The following FYN variants were observed in gnomAD, a reference collection of about 807,000 sequenced individuals.
The protein encoded by FYN is tyrosine-protein kinase Fyn.
FYN carries 10 observed loss-of-function variants against 70.2 expected under a neutral mutation model. The ratio of observed to expected loss-of-function variants is 0.14; its 90% CI spans 0.09 to 0.24. The LOEUF is 0.24. Among genes scored for constraint, FYN ranks in the 10% least tolerant of loss-of-function variants. The pLI is 1.00. For synonymous variants in FYN, 236 were observed against 248.6 expected (o/e 0.95, Z 0.48); for missense variants, 319 against 673.1 (o/e 0.47, Z 5.82).
rs879529214 is a variant in FYN, at chr6:111,801,182, TGG to T, written c.-81-20549_-81-20548del. 1.6e-3 allele frequency among the ~76,000 whole-genome samples: 251 copies of T among 152,288 alleles called. 4 individuals carry two copies. The highest frequency in any genetic ancestry group is 0.014 in the Admixed American group (219 of 15,292). On this transcript the variant is annotated intron_variant, in intron 2 of 13. Transcript: ENST00000354650. ...TGTGCACCGCTGGCGATGCTGCAGG[TGG>T]CCAAGCAACGCTCAAACCACTGGCA...
chr6:111,787,335 T>C (rs546372934), intron 2 of FYN, among the ~76,000 whole-genome samples: 1 of 152,348 alleles, frequency 6.6e-6, no homozygotes, highest in Non-Finnish European at 1.5e-5. Context: ...CCTTTCCCCA[T>C]TTCTTGTTTC....
chr6:111,680,763 G>A (rs1479743095), intron 12 of FYN, among the ~76,000 whole-genome samples: 1 of 152,178 alleles, frequency 6.6e-6, no homozygotes, highest in African/African-American at 2.4e-5. Context: ...CTTCTCACAT[G>A]TGAATAATAC....
chr6:111,688,374 A>G (rs1180617190), intron 12 of FYN, among the ~76,000 whole-genome samples: 2 of 152,210 alleles, frequency 1.3e-5, no homozygotes, highest in East Asian at 3.8e-4. Flanking sequence ...TGCAGCCACA[A>G]CAGCATTTGA....
chr6:111,685,522 G>C (rs1798965300), intron 12 of FYN, among the ~76,000 whole-genome samples: 1 of 152,338 alleles, frequency 6.6e-6, no homozygotes, highest in African/African-American at 2.4e-5. Flanking sequence ...CCCTCCTTTG[G>C]CTGTAAGAAA....
chr6:111,673,169 C>T (rs1365016234), intron 13 of FYN, among the ~76,000 whole-genome samples: 1 of 151,974 alleles, frequency 6.6e-6, no homozygotes, highest in Non-Finnish European at 1.5e-5. Context: ...CCGCACATTT[C>T]CCCCCTTGAG....
intron 3 of FYN, among the ~76,000 whole-genome samples, chr6:111,727,208 C>T (rs706910): frequency 0.13 from 19,963 of 152,084 alleles, 2,550 homozygotes; most frequent in African/African-American, 0.33. Context: ...TGCAGTGAGT[C>T]ACCATCTTCC....
chr6:111,807,708 T>C (rs540748401), intron 2 of FYN, among the ~76,000 whole-genome samples: 2 of 152,290 alleles, frequency 1.3e-5, no homozygotes, highest in South Asian at 2.1e-4. Flanking sequence ...TCCAAATGAA[T>C]AGGTTGGGAG....
intron 4 of FYN, among the ~76,000 whole-genome samples, chr6:111,716,556 T>C (rs2128459131): frequency 6.6e-6 from 1 of 152,148 alleles, no homozygotes; most frequent in Admixed American, 6.5e-5. Flanking sequence ...AGAAATTTGA[T>C]AGTTTGGTTA....
At chr6:111,753,023 A>G (rs1449743489) in intron 3 of FYN, among the ~76,000 whole-genome samples, 1 of 152,360 alleles carries the variant, frequency 6.6e-6, no homozygotes, top group African/African-American at 2.4e-5. Context: ...AGAGGCAAAA[A>G]TAGCTTTGGA....
chr6:111,844,908 G>C (rs2114473184), intron 2 of FYN: 1 of 152,354 alleles, frequency 6.6e-6, no homozygotes, highest in East Asian at 1.9e-4. Context: ...ATTTTACTTG[G>C]TCCTGTGAAA....
intron 4 of FYN, among the ~76,000 whole-genome samples, chr6:111,718,175 A>G (rs1800758085): frequency 6.6e-6 from 1 of 152,186 alleles, no homozygotes; most frequent in African/African-American, 2.4e-5. Flanking sequence ...TCAGCTGACA[A>G]GTTCTCACTG....
chr6:111,800,499 C>T (rs1266727232), intron 2 of FYN, among the ~76,000 whole-genome samples: 4 of 152,040 alleles, frequency 2.6e-5, no homozygotes, highest in South Asian at 2.1e-4. Context: ...GAAAAGAAAA[C>T]GTACAAAAAG....
intron 3 of FYN, among the ~76,000 whole-genome samples, chr6:111,724,851 C>T (rs1801123377): frequency 6.6e-6 from 1 of 152,126 alleles, no homozygotes; most frequent in Non-Finnish European, 1.5e-5. Context: ...GGCATGTTTC[C>T]TGGTATCATA....
chr6:111,774,569 TC>T (rs565949802), intron 3 of FYN, among the ~76,000 whole-genome samples: 1 of 146,594 alleles, frequency 6.8e-6, no homozygotes, highest in South Asian at 2.2e-4. Context: ...CCCCTCCCCA[TC>T]CCCCCCACAC....
chr6:111,834,930 A>G (rs940149388), intron 2 of FYN, among the ~76,000 whole-genome samples: 1 of 152,172 alleles, frequency 6.6e-6, no homozygotes, highest in African/African-American at 2.4e-5. Flanking sequence ...TCAACTTGGC[A>G]TAATTCTCCA....
At chr6:111,847,223 G>A (rs967573382) in intron 1 of FYN, among the ~76,000 whole-genome samples, 8 of 152,156 alleles carry the variant, frequency 5.3e-5, no homozygotes, top group Admixed American at 3.3e-4. Context: ...CTCCAGCCCC[G>A]GGACTACCTT....
At chr6:111,705,254 C>T (rs1800017343) in intron 6 of FYN, among the ~76,000 whole-genome samples, 1 of 152,136 alleles carries the variant, frequency 6.6e-6, no homozygotes, top group Admixed American at 6.5e-5. Context: ...TATAAGAATT[C>T]TGAGAAAAAC....
At chr6:111,717,117 C>A (rs1314794751) in intron 4 of FYN, among the ~76,000 whole-genome samples, 1 of 151,956 alleles carries the variant, frequency 6.6e-6, no homozygotes, top group Non-Finnish European at 1.5e-5. Flanking sequence ...TTTACTAGTG[C>A]CACAGACTTG....
intron 2 of FYN, among the ~76,000 whole-genome samples, chr6:111,811,931 T>C (rs1390564114): frequency 6.6e-6 from 1 of 152,094 alleles, no homozygotes; most frequent in Non-Finnish European, 1.5e-5. Context: ...ATCACAGGTA[T>C]AGCCTTGAAA....
Sources: allele counts gnomAD v4.1 joint callset (sites outside exome capture counted in the v4.1 genomes callset), GRCh38; gene constraint gnomAD v4.1.1; transcripts MANE v1.5; gene names NCBI Gene and HGNC (gene_info 2026-07-23, HGNC 2026-07-21).